AKAP13: variants seen among roughly 807,000 people sequenced by gnomAD.
AKAP13 encodes the protein A-kinase anchoring protein 13.
AKAP13 carries 80 observed loss-of-function variants against 264.5 expected under a neutral mutation model. The ratio of observed to expected loss-of-function variants is 0.30; its 90% confidence interval spans 0.25 to 0.36. The LOEUF is 0.36. AKAP13 is among the 10% of genes least tolerant of loss of function. The pLI, the probability that AKAP13 is intolerant of heterozygous loss-of-function variation, is 1.00. For synonymous variants in AKAP13, 1,380 were observed against 1,250.2 expected (o/e 1.10, Z -2.19); for missense variants, 3,712 against 3,435.2 (o/e 1.08, Z -2.01).
intron 1 of AKAP13, among the ~76,000 whole-genome samples, chr15:85,433,397 G>A (rs1453430434): frequency 6.6e-6 from 1 of 151,760 alleles, no homozygotes; most frequent in Non-Finnish European, 1.5e-5. Context: ...TCTAAGTATG[G>A]GAGCACTTGT....
intron 19 of AKAP13, among the ~76,000 whole-genome samples, chr15:85,712,416 G>A (rs1382860130): frequency 6.6e-6 from 1 of 151,984 alleles, no homozygotes. Flanking sequence ...TTCCTAAAAT[G>A]CTTTTTTTCT....
At chr15:85,607,072 T>TC (rs1468071070) in intron 8 of AKAP13, among the ~76,000 whole-genome samples, 2 of 151,882 alleles carry the variant, frequency 1.3e-5, no homozygotes, top group African/African-American at 4.8e-5. Flanking sequence ...TTTTTCTTTT[T>TC]TTTTTTTTGA....
At chr15:85,467,884 T>C (rs1211353386) in intron 1 of AKAP13, among the ~76,000 whole-genome samples, 3 of 152,206 alleles carry the variant, frequency 2.0e-5, no homozygotes, top group African/African-American at 7.2e-5. Flanking sequence ...GTGCTCTCTG[T>C]CCTCATCCAG....
Position 85,718,244 on chromosome 15 carries a change from C to T in AKAP13, c.6001+85C>T. ...AGTAATTTGTTGGACTATGAAAAAT[C>T]AGTTTTTTAGTATGTGGCTTCTTGA... is the stretch of plus-strand genomic sequence containing the variant. On this transcript the variant is annotated intron_variant, in intron 22 of 36. Coordinates refer to ENST00000394518, the MANE Select transcript of AKAP13 (RefSeq NM_007200.5). This position sits in a 1 kb window ranked among gnomAD's most constrained non-coding sequence, Gnocchi z 4.9. 6.6e-7 allele frequency: 1 copy of T among 1,525,360 alleles called. No homozygotes were observed. The highest frequency in any genetic ancestry group is 2.3e-5 in the East Asian group (1 of 43,928). 94.5% of individuals were successfully genotyped at this position (1,525,360 alleles called of 1,614,324 possible).
intron 1 of AKAP13, among the ~76,000 whole-genome samples, chr15:85,417,701 G>A (rs1025286496): frequency 6.6e-6 from 1 of 152,122 alleles, no homozygotes; most frequent in South Asian, 2.1e-4. Context: ...CAACCATTAC[G>A]TTCTAAGTGC....
intron 2 of AKAP13, among the ~76,000 whole-genome samples, chr15:85,508,987 A>T (rs2076330203): frequency 6.6e-6 from 1 of 152,088 alleles, no homozygotes; most frequent in Non-Finnish European, 1.5e-5. Context: ...TAACCCCTTT[A>T]TGCTGTCTTA....
At position 85,578,995 on chromosome 15, in the gene AKAP13, T is replaced by G. The variant is rs1302187429; in HGVS notation, c.927T>G (p.Ser309Arg). The G allele has an allele frequency of 1.9e-6, 3 of 1,614,096 alleles. No homozygotes were observed. The highest frequency in any genetic ancestry group is 2.5e-6 in the Non-Finnish European group (3 of 1,180,036). Residue 309 changes from serine to arginine, a missense_variant, in exon 7 of 37, where the codon AGT becomes AGG. Ser to Arg is a moderately radical substitution (Grantham distance 110). Coordinates refer to ENST00000394518, the MANE Select transcript of AKAP13 (RefSeq NM_007200.5). ...TGATGACAGCACAGGATCCTTCCAG[T>G]GCCCCAGAGACAGATGGCCAGTTTC... The part of the protein sequence containing the change: ...PLMMTAQDPS[S>R]APETDGQFLP...
intron 34 of AKAP13, chr15:85,740,555 G>C: frequency 2.2e-6 from 1 of 445,652 alleles, no homozygotes. Context: ...ACTTTAGAAA[G>C]CCTTAAGTAT....
At chr15:85,451,754 C>A (rs913777814) in intron 1 of AKAP13, among the ~76,000 whole-genome samples, 5 of 152,184 alleles carry the variant, frequency 3.3e-5, no homozygotes, top group Admixed American at 2.6e-4. Context: ...TGATGGGGAT[C>A]CCTTTGCAGG....
chr15:85,512,657 T>G (rs548822720), intron 2 of AKAP13, among the ~76,000 whole-genome samples: 65 of 152,274 alleles, frequency 4.3e-4, no homozygotes, highest in Non-Finnish European at 9.0e-4. Flanking sequence ...GGCTACAGCT[T>G]TCTCATCTCT....
chr15:85,427,616 T>C (rs888407129), intron 1 of AKAP13, among the ~76,000 whole-genome samples: 2 of 152,226 alleles, frequency 1.3e-5, no homozygotes, highest in Non-Finnish European at 2.9e-5. Flanking sequence ...GAAAGTATCT[T>C]GTCAAATTTG....
intron 8 of AKAP13, among the ~76,000 whole-genome samples, chr15:85,616,958 G>T (rs1348364973): frequency 6.6e-6 from 1 of 152,184 alleles, no homozygotes; most frequent in Non-Finnish European, 1.5e-5. Context: ...TATGCAGAAA[G>T]AGCAGGAAAT....
intron 14 of AKAP13, among the ~76,000 whole-genome samples, chr15:85,679,095 G>T (rs563555746): frequency 3.3e-5 from 5 of 152,034 alleles, no homozygotes; most frequent in Admixed American, 6.6e-5. Flanking sequence ...AAAAAAATTA[G>T]CCGGGTGTGG....
rs763908818 is a variant in AKAP13, at chr15:85,662,405, C to G, written c.4800-2158C>G. The G allele has an allele frequency of 5.0e-6, 8 of 1,614,068 alleles. No homozygotes were observed. In the East Asian group the frequency reaches 1.8e-4, roughly 36 times the overall value. Reference sequence around the variant, plus strand: ...ATCCCCAGTATGAGCTGGTGCCCCTCTGGTGTGCAGTACTCTGCTGGCCTG... The same window carrying G: ...ATCCCCAGTATGAGCTGGTGCCCCTGTGGTGTGCAGTACTCTGCTGGCCTG... On this transcript the variant is annotated intron_variant, in intron 12 of 36. Transcript: ENST00000394518.
chr15:85,545,436 A>C (rs1053233621), intron 5 of AKAP13, among the ~76,000 whole-genome samples: 1 of 152,250 alleles, frequency 6.6e-6, no homozygotes, highest in Non-Finnish European at 1.5e-5. Flanking sequence ...ATTGCAGCAC[A>C]GCTTTAAGGA....
chr15:85,411,736 C>CA (rs2071980849), intron 1 of AKAP13, among the ~76,000 whole-genome samples: 1 of 152,186 alleles, frequency 6.6e-6, no homozygotes, highest in Non-Finnish European at 1.5e-5. Flanking sequence ...CGCGCCCGGC[C>CA]AACTAACTGC....
In AKAP13 at chr15:85,579,552, A is replaced by G. The variant is rs1567136259; in HGVS notation, c.1484A>G (p.Lys495Arg). 2 of 1,614,210 alleles carry G rather than the reference A, an allele frequency of 1.2e-6. No individual in the cohort carries two copies. The highest frequency in any genetic ancestry group is 8.5e-7 in the Non-Finnish European group (1 of 1,180,028). ...ATGAACCCAGATGCCACTGTTTGGAAGAATGTGCTTCAGGGAGGGGAAAGT... is the reference window on the plus strand; with the variant it reads ...ATGAACCCAGATGCCACTGTTTGGAGGAATGTGCTTCAGGGAGGGGAAAGT... ...GLMNPDATVW[K>R]NVLQGGESTK... Residue 495 changes from lysine (K) to arginine (R), a missense_variant, in exon 7 of 37, where the codon AAG (lysine) becomes AGG (arginine). Around this residue, in one of 3 missense-constraint regions of AKAP13, gnomAD observed 2,759 missense variants for 2,411.7 expected, o/e 1.14. Transcript: ENST00000394518.
At chr15:85,483,632 C>CAAAAAAAAAAAAAA (rs35648447) in intron 1 of AKAP13, among the ~76,000 whole-genome samples, 1 of 58,000 alleles carries the variant, frequency 1.7e-5, no homozygotes, top group Admixed American at 2.3e-4. Flanking sequence ...GACTCCGTCT[C>CAAAAAAAAAAAAAA]AAAAAAAAAA....
intron 1 of AKAP13, among the ~76,000 whole-genome samples, chr15:85,401,090 G>A (rs751098729): frequency 6.6e-6 from 1 of 151,786 alleles, no homozygotes; most frequent in Non-Finnish European, 1.5e-5. Context: ...TCAAACTCCT[G>A]ACCTCAGGTG....
Sources: gnomAD v4.1 joint callset for allele counts (sites outside exome capture counted in the v4.1 genomes callset) on GRCh38, gnomAD v4.1.1 for gene constraint, gnomAD v4.1.1 regional missense constraint, Gnocchi (gnomAD v3.1) non-coding constraint, MANE v1.5 for transcripts, NCBI Gene and HGNC (gene_info 2026-07-23, HGNC 2026-07-21) for gene names.